The following ZRANB3 variants were observed in gnomAD, a reference collection of about 807,000 sequenced individuals.
ZRANB3 encodes the protein zinc finger RANBP2-type containing 3, also known as DNA annealing helicase and endonuclease ZRANB3.
A neutral mutation model predicts 133.8 loss-of-function variants in ZRANB3; 125 were observed. The ratio of observed to expected loss-of-function variants is 0.93; its 90% CI spans 0.81 to 1.08. ZRANB3 has a LOEUF of 1.08. ZRANB3 is among the 50% of genes least tolerant of loss of function. ZRANB3 has a pLI of 0.00. For missense variants in ZRANB3, 1,229 were observed against 1,275.5 expected (o/e 0.96, Z 0.56); for synonymous variants, 387 against 432.7 (o/e 0.89, Z 1.31).
At chr2:135,421,948 T>C (rs973168816) in intron 2 of ZRANB3, among the ~76,000 whole-genome samples, 16 of 150,484 alleles carry the variant, frequency 1.1e-4, no homozygotes, top group Admixed American at 6.7e-4. Flanking sequence ...CCATGCAAAA[T>C]TTCCTTCATC....
chr2:135,232,448 G>A (rs963257319), intron 12 of ZRANB3, among the ~76,000 whole-genome samples: 1 of 152,152 alleles, frequency 6.6e-6, no homozygotes, highest in Non-Finnish European at 1.5e-5. Context: ...AGAGAGTAGT[G>A]GTTCTCCCAG....
At chr2:135,233,650 A>G (rs1368954547) in intron 12 of ZRANB3, among the ~76,000 whole-genome samples, 1 of 152,232 alleles carries the variant, frequency 6.6e-6, no homozygotes, top group Non-Finnish European at 1.5e-5. Context: ...AACATTCTCA[A>G]AGAAAAGAAT....
chr2:135,305,307 AT>A (rs1476371788), intron 8 of ZRANB3, among the ~76,000 whole-genome samples: 3 of 152,146 alleles, frequency 2.0e-5, no homozygotes, highest in Non-Finnish European at 4.4e-5. Context: ...AAGTATAGCT[AT>A]TCCTGCTCAC....
rs550781468 is a variant in ZRANB3 at position 135,233,801 on chromosome 2, C to T, written c.1540-2874G>A. ...AAGAGCTCCTGAAGGAAGCACTAAA[C>T]ATGGAAAGGAACAACCAGTACAAGC... On this transcript the variant is annotated intron_variant, in intron 12 of 20. Coordinates refer to ENST00000264159, the MANE Select transcript of ZRANB3 (RefSeq NM_032143.4). Among the ~76,000 whole-genome samples the T allele has an allele frequency of 3.0e-3, 450 of 152,252 alleles. 3 individuals are homozygous for T. The highest frequency in any genetic ancestry group is 0.01 in the African/African-American group (419 of 41,556).
At chr2:135,214,611 A>G (rs576319675) in intron 17 of ZRANB3, among the ~76,000 whole-genome samples, 1 of 152,332 alleles carries the variant, frequency 6.6e-6, no homozygotes, top group Non-Finnish European at 1.5e-5. Context: ...GACTGGTTAC[A>G]AAAATGAGAA....
intron 2 of ZRANB3, among the ~76,000 whole-genome samples, chr2:135,427,894 C>T (rs893247235): frequency 6.6e-6 from 1 of 152,084 alleles, no homozygotes. Context: ...AGAAATAAGG[C>T]CTCACACCTG....
At chr2:135,351,728 T>A (rs1252284597) in intron 4 of ZRANB3, among the ~76,000 whole-genome samples, 1 of 152,176 alleles carries the variant, frequency 6.6e-6, no homozygotes, top group Non-Finnish European at 1.5e-5. Flanking sequence ...AGTCCAGGCA[T>A]AACTGATATA....
At chr2:135,266,017 T>C (rs1039368173) in intron 11 of ZRANB3, among the ~76,000 whole-genome samples, 1 of 152,068 alleles carries the variant, frequency 6.6e-6, no homozygotes, top group Non-Finnish European at 1.5e-5. Flanking sequence ...GAGACCAGCC[T>C]GCCCAACATG....
chr2:135,517,480 C>T (rs1693747436), intron 1 of ZRANB3, among the ~76,000 whole-genome samples: 1 of 152,158 alleles, frequency 6.6e-6, no homozygotes, highest in Admixed American at 6.5e-5. Context: ...TTTGTTGATA[C>T]TGATGCTACT....
intron 8 of ZRANB3, among the ~76,000 whole-genome samples, chr2:135,293,871 T>C (rs1681892609): frequency 6.6e-6 from 1 of 150,788 alleles, no homozygotes; most frequent in South Asian, 2.1e-4. Flanking sequence ...TTTTTGTCTT[T>C]GGTTCTGTTT....
At chr2:135,469,465 T>G (rs1346589353) in intron 2 of ZRANB3, among the ~76,000 whole-genome samples, 1 of 152,174 alleles carries the variant, frequency 6.6e-6, no homozygotes, top group Non-Finnish European at 1.5e-5. Flanking sequence ...CATTATCAGT[T>G]AAGAACATAA....
At chr2:135,398,177 T>C (rs1192790303) in intron 2 of ZRANB3, among the ~76,000 whole-genome samples, 1 of 151,978 alleles carries the variant, frequency 6.6e-6, no homozygotes, top group African/African-American at 2.4e-5. Context: ...GCCATTCTCC[T>C]GCCTCAGCCT....
intron 6 of ZRANB3, among the ~76,000 whole-genome samples, chr2:135,342,818 T>A (rs143758580): frequency 6.7e-6 from 1 of 148,868 alleles, no homozygotes; most frequent in African/African-American, 2.6e-5. Flanking sequence ...CTTATATATA[T>A]GTAAAGACAC....
At chr2:135,464,800 C>T (rs1690911898) in intron 2 of ZRANB3, among the ~76,000 whole-genome samples, 1 of 152,160 alleles carries the variant, frequency 6.6e-6, no homozygotes, top group Non-Finnish European at 1.5e-5. Context: ...AAGGATCTGT[C>T]TTTCATTTAA....
chr2:135,363,099 C>T (rs976734626), intron 3 of ZRANB3, among the ~76,000 whole-genome samples: 2 of 152,204 alleles, frequency 1.3e-5, no homozygotes, highest in African/African-American at 4.8e-5. Context: ...CTGTTCTACA[C>T]TTCAAAAGTA....
chr2:135,504,922 G>C (rs1354738428), intron 1 of ZRANB3, among the ~76,000 whole-genome samples: 1 of 151,958 alleles, frequency 6.6e-6, no homozygotes, highest in Non-Finnish European at 1.5e-5. Context: ...TTTTCTAAGA[G>C]TGAGGTAAAG....
intron 2 of ZRANB3, among the ~76,000 whole-genome samples, chr2:135,429,791 A>G (rs1334031165): frequency 2.0e-5 from 3 of 152,180 alleles, no homozygotes; most frequent in Non-Finnish European, 2.9e-5. Context: ...AACAATGAAA[A>G]CTATATAGTT....
chr2:135,232,493 C>T (rs1695076859), intron 12 of ZRANB3, among the ~76,000 whole-genome samples: 2 of 152,214 alleles, frequency 1.3e-5, no homozygotes, highest in Admixed American at 6.5e-5. Context: ...GACAGACTGC[C>T]TCCTTAAGTG....
Position 135,390,834 on chromosome 2 carries a change from A to ATT in ZRANB3, c.162-15_162-14insAA. 1.3e-6 allele frequency: 2 copies of ATT among 1,519,848 alleles called. No homozygotes were observed. The highest frequency in any genetic ancestry group is 2.4e-5 in the East Asian group (1 of 41,296). 94.1% of individuals were successfully genotyped at this position (1,519,848 alleles called of 1,614,324 possible). On this transcript the variant is annotated splice_polypyrimidine_tract_variant and intron_variant, in intron 2 of 20. Transcript: ENST00000264159. ...GCCACCATACACCTGGAAAAAAAAA[A>ATT]AAAAAAAAATTAATTATCAGAGTGA...
Sources: gnomAD v4.1 joint callset for allele counts (sites outside exome capture counted in the v4.1 genomes callset) on GRCh38, gnomAD v4.1.1 for gene constraint, MANE v1.5 for transcripts, NCBI Gene and HGNC (gene_info 2026-07-23, HGNC 2026-07-21) for gene names.